MYO16: variants seen among roughly 807,000 people sequenced by gnomAD.
MYO16 encodes unconventional myosin-XVI.
A neutral mutation model predicts 205.3 loss-of-function variants in MYO16; 94 were observed. That is an observed-to-expected ratio of 0.46 (90% CI 0.39 to 0.54). The LOEUF is 0.54. Among genes scored for constraint, MYO16 ranks in the 20% least tolerant of loss-of-function variants. The probability of loss-of-function intolerance (pLI) is 0.00; values close to 1 mark genes in which losing one functional copy is unlikely to be tolerated. For missense variants in MYO16, 2,315 were observed against 2,387.5 expected, an observed-to-expected ratio of 0.97 and a Z score of 0.63; for synonymous variants, 988 against 954.0, an observed-to-expected ratio of 1.04 and a Z score of -0.66.
intron 2 of MYO16, among the ~76,000 whole-genome samples, chr13:108,703,391 T>G (rs989714351): frequency 3.3e-5 from 5 of 152,186 alleles, no homozygotes; most frequent in Non-Finnish European, 5.9e-5. Flanking sequence ...TGTAAATATA[T>G]ATGTGCCTAA....
chr13:108,592,338 T>C (rs1878423061), upstream of MYO16, among the ~76,000 whole-genome samples: 1 of 117,682 alleles, frequency 8.5e-6, no homozygotes, highest in Non-Finnish European at 1.7e-5. Context: ...TTGGGGACTG[T>C]GTGTGGGATG....
chr13:108,973,155 G>GT (rs1884120340), intron 20 of MYO16, among the ~76,000 whole-genome samples: 7 of 151,812 alleles, frequency 4.6e-5, no homozygotes, highest in Admixed American at 4.6e-4. Flanking sequence ...TGGAGCCTTA[G>GT]TTTTTTTGTT....
At chr13:108,917,305 C>T (rs1028364894) in intron 16 of MYO16, among the ~76,000 whole-genome samples, 4 of 152,158 alleles carry the variant, frequency 2.6e-5, no homozygotes, top group African/African-American at 4.8e-5. Flanking sequence ...ACATTTGGCT[C>T]CTGCGTAGGG....
At position 109,007,411 on chromosome 13, in the gene MYO16, A is replaced by G. The variant is rs542060456; in HGVS notation, c.2443-1486A>G. Among the ~76,000 whole-genome samples the G allele has an allele frequency of 5.9e-5, 9 of 152,028 alleles. No homozygotes were observed. In the South Asian group the frequency reaches 1.9e-3, roughly 32 times the overall value. On this transcript the variant is annotated intron_variant, in intron 21 of 34. Transcript: ENST00000457511. The stretch of plus-strand genomic sequence containing the variant: ...TCAAAAAAAAAGAAAAAAAAAAAAG[A>G]AATGTGCACATTGCTGATGACTTCT...
At chr13:108,873,857 G>A (rs1354787366) in intron 12 of MYO16, among the ~76,000 whole-genome samples, 4 of 152,230 alleles carry the variant, frequency 2.6e-5, no homozygotes, top group Non-Finnish European at 4.4e-5. Context: ...TTGGAGACAC[G>A]TAATATCATT....
At chr13:108,801,461 T>G (rs2138968870) in intron 6 of MYO16, among the ~76,000 whole-genome samples, 1 of 152,312 alleles carries the variant, frequency 6.6e-6, no homozygotes, top group South Asian at 2.1e-4. Context: ...TGGAAATCAC[T>G]ACGGACATAT....
At chr13:109,069,760 T>C (rs1042510345) in intron 27 of MYO16, among the ~76,000 whole-genome samples, 1 of 152,128 alleles carries the variant, frequency 6.6e-6, no homozygotes, top group Admixed American at 6.5e-5. Flanking sequence ...TTAGCCTTAA[T>C]TACTTCTCAA....
At chr13:109,064,926 C>T (rs1158194111) in intron 27 of MYO16, among the ~76,000 whole-genome samples, 4 of 152,184 alleles carry the variant, frequency 2.6e-5, no homozygotes, top group African/African-American at 9.6e-5. Flanking sequence ...AACTCAGTGG[C>T]ATAAAACAGC....
At chr13:108,767,600 C>G (rs1885824528) in intron 4 of MYO16, among the ~76,000 whole-genome samples, 12 of 152,086 alleles carry the variant, frequency 7.9e-5, no homozygotes, top group African/African-American at 2.7e-4. Flanking sequence ...GCATTTCTTG[C>G]CTTTAATTGA....
At chr13:108,683,039 T>A (rs1291931448) in intron 2 of MYO16, among the ~76,000 whole-genome samples, 1 of 152,176 alleles carries the variant, frequency 6.6e-6, no homozygotes, top group Admixed American at 6.6e-5. Context: ...TTCTCATCCT[T>A]ACCCCCATCT....
At chr13:109,038,811 T>C (rs1886794068) in intron 23 of MYO16, among the ~76,000 whole-genome samples, 1 of 152,136 alleles carries the variant, frequency 6.6e-6, no homozygotes, top group Non-Finnish European at 1.5e-5. Flanking sequence ...AATTACAGTT[T>C]TCCTTTTAGT....
chr13:109,021,101 G>A (rs780289805), intron 23 of MYO16, among the ~76,000 whole-genome samples: 1 of 152,090 alleles, frequency 6.6e-6, no homozygotes, highest in African/African-American at 2.4e-5. Context: ...AAAAGAGAAG[G>A]GGGGACATTC....
intron 7 of MYO16, among the ~76,000 whole-genome samples, chr13:108,816,487 A>G (rs1875614656): frequency 1.3e-5 from 2 of 151,996 alleles, no homozygotes; most frequent in South Asian, 4.1e-4. Context: ...AGCATTAACC[A>G]TATCTCTCCC....
chr13:108,539,286 T>C, the MYO16 span, among the ~76,000 whole-genome samples: 1 of 152,140 alleles, frequency 6.6e-6, no homozygotes, highest in African/African-American at 2.4e-5. Flanking sequence ...GCTGCTTTTA[T>C]AAACTCAAGA....
intron 34 of MYO16, among the ~76,000 whole-genome samples, chr13:109,182,455 C>T (rs1477597159): frequency 1.3e-5 from 2 of 152,168 alleles, no homozygotes; most frequent in African/African-American, 2.4e-5. Flanking sequence ...GAACTTTGCT[C>T]AGAGCACGCC....
Position 108,890,657 on chromosome 13 carries a change from T to C in MYO16, c.1659+2180T>C, listed in dbSNP as rs139264109. On this transcript the variant is annotated intron_variant, in intron 14 of 34. Transcript: ENST00000457511. The stretch of plus-strand genomic sequence containing the variant: ...GGACTCATTGATAACTAGGCAGCCA[T>C]GTATTCAACTTCAACTAGTAAATGG... Among the ~76,000 whole-genome samples the C allele has an allele frequency of 2.3e-3, 346 of 152,314 alleles. 1 individual carries two copies. The highest frequency in any genetic ancestry group is 6.8e-3 in the Middle Eastern group (2 of 294).
the MYO16 span, among the ~76,000 whole-genome samples, chr13:108,563,925 C>T: frequency 3.3e-4 from 50 of 152,288 alleles, no homozygotes; most frequent in South Asian, 6.2e-4. Context: ...CCAAACTGCT[C>T]TCCATAGTAT....
chr13:109,098,432 T>C (rs1195052340), intron 27 of MYO16, among the ~76,000 whole-genome samples: 3 of 152,106 alleles, frequency 2.0e-5, no homozygotes, highest in African/African-American at 7.2e-5. Context: ...GTTGTCGAGG[T>C]GCTTAAAGAG....
At chr13:108,939,421 A>G (rs1284501628) in intron 16 of MYO16, among the ~76,000 whole-genome samples, 1 of 152,158 alleles carries the variant, frequency 6.6e-6, no homozygotes, top group African/African-American at 2.4e-5. Context: ...GTCACATGCC[A>G]TCATTGAGGC....
Sources: gnomAD v4.1 joint callset for allele counts (sites outside exome capture counted in the v4.1 genomes callset) on GRCh38, gnomAD v4.1.1 for gene constraint, MANE v1.5 for transcripts, NCBI Gene and HGNC (gene_info 2026-07-23, HGNC 2026-07-21) for gene names.